The following AGMAT variants were observed in gnomAD, a reference collection of about 807,000 sequenced individuals.
AGMAT encodes the protein guanidino acid hydrolase, mitochondrial.
Under a neutral mutation model 29.3 loss-of-function variants are expected in AGMAT, and 37 were observed. The observed-to-expected ratio is 1.26, with a 90% confidence interval of 0.97 to 1.66. The LOEUF is 1.66. Ranked by LOEUF, AGMAT falls within the 40% of genes most tolerant of loss-of-function variation. The pLI is 0.00. For missense variants in AGMAT, 498 were observed against 497.8 expected, an observed-to-expected ratio of 1.00 and a Z score of 0.00; for synonymous variants, 199 against 200.8, an observed-to-expected ratio of 0.99 and a Z score of 0.08.
chr1:15,578,778 T>C, intron 4 of AGMAT, 81 bp downstream of exon 4: 1 of 1,483,106 alleles, frequency 6.7e-7, no homozygotes, highest in Non-Finnish European at 9.2e-7. Flanking sequence ...AAGCCCCCGC[T>C]CAATCCCTGG....
rs148544674 is a variant in AGMAT, at chr1:15,573,723, C to A, written c.987G>T (p.Gly329=). The A allele has an allele frequency of 1.1e-5, 17 of 1,613,892 alleles. No individual in the cohort carries two copies. Among genetic ancestry groups the A allele is most frequent in the Non-Finnish European group, 1.4e-5 (16 of 1,179,972 alleles). The change falls in exon 7 of 7, where the codon GGG becomes GGT. Residue 329 remains glycine, a splice_region_variant and synonymous_variant. Transcript: ENST00000375826. The part of the protein sequence containing the change: ...VEVSPPYDLS[G]NTALLAANLL... ...GGTTAGCCGCCAGCAGGGCTGTGTTCCCTAAGAAAAAGTAAAACCTCACAT... is the reference window on the plus strand; with the variant it reads ...GGTTAGCCGCCAGCAGGGCTGTGTTACCTAAGAAAAAGTAAAACCTCACAT...
chr1:15,581,067 TAAAAA>T (rs886980486), intron 2 of AGMAT, among the ~76,000 whole-genome samples: 10 of 151,402 alleles, frequency 6.6e-5, no homozygotes, highest in Non-Finnish European at 8.8e-5. Flanking sequence ...CTCTAAAAAA[TAAAAA>T]TAAAAATAGA....
chr1:15,578,715 G>A, intron 4 of AGMAT, 144 bp downstream of exon 4: 1 of 902,652 alleles, frequency 1.1e-6, no homozygotes, highest in East Asian at 2.7e-5. Context: ...TGCTCCTTAT[G>A]CCCCTGATGA....
At chr1:15,574,655 G>T in intron 6 of AGMAT, 102 bp downstream of exon 6, 1 of 1,059,918 alleles carries the variant, frequency 9.4e-7, no homozygotes, top group Non-Finnish European at 1.4e-6. Context: ...TGGGATTACA[G>T]GCTTGGGCCA....
intron 2 of AGMAT, among the ~76,000 whole-genome samples, chr1:15,581,567 A>G (rs1639114134): frequency 6.6e-6 from 1 of 150,840 alleles, no homozygotes; most frequent in Non-Finnish European, 1.5e-5. Flanking sequence ...GAAACTGAAT[A>G]TTTTATTTTA....
rs202010973 is a variant in AGMAT at position 15,583,397 on chromosome 1, T to C, written c.273-2A>G. 3 of 1,611,378 alleles carry C rather than the reference T, an allele frequency of 1.9e-6. No individual in the cohort carries two copies. The African/African-American group carries it at 4.0e-5, about 21-fold the overall frequency. On this transcript the variant is annotated splice_acceptor_variant, in intron 1 of 6. Transcript: ENST00000375826. LOFTEE classifies it high-confidence loss of function. ...TCCCGGATGCGGCGAGGTCCGAATC[T>C]GCAGAAGGAAGAATCATCCTGTCAG...
At chr1:15,576,574 C>T (rs1437656353) in intron 5 of AGMAT, among the ~76,000 whole-genome samples, 1 of 151,380 alleles carries the variant, frequency 6.6e-6, no homozygotes, top group Admixed American at 6.6e-5. Context: ...GGATTACAGA[C>T]GCCTGCCACC....
At position 15,583,304 on chromosome 1, in the gene AGMAT, C is replaced by A; in HGVS notation, c.364G>T (p.Ala122Ser). Residue 122 changes from alanine to serine, a missense_variant, in exon 2 of 7, where the codon GCA becomes TCA. Coordinates refer to ENST00000375826, the MANE Select transcript of AGMAT (RefSeq NM_024758.5). The stretch of plus-strand genomic sequence containing the variant: ...TTGACATTCACATCGCCTAGGTCTG[C>A]AACCATGAGGGACTGGAAGGGGAGG... ...GALPFQSLMV[A>S]DLGDVNVNLY... is the part of the protein sequence containing the mutation. 6.2e-7 allele frequency: 1 copy of A among 1,614,176 alleles called. No homozygotes were observed. Among genetic ancestry groups the A allele is most frequent in the Non-Finnish European group, 8.5e-7 (1 of 1,180,030 alleles).
At chr1:15,576,469 G>T (rs1437830382) in intron 5 of AGMAT, among the ~76,000 whole-genome samples, 1 of 150,422 alleles carries the variant, frequency 6.6e-6, no homozygotes, top group Non-Finnish European at 1.5e-5. Flanking sequence ...TTGCTCTGTT[G>T]CCCAGGCTGG....
At position 15,584,752 on chromosome 1, in the gene AGMAT, G is replaced by A; in HGVS notation, c.216C>T (p.Asp72=). The A allele has an allele frequency of 7.4e-7, 1 of 1,354,724 alleles. No individual in the cohort carries two copies. Among genetic ancestry groups the A allele is most frequent in the Non-Finnish European group, 9.5e-7 (1 of 1,048,550 alleles). The allele number at this position is 1,354,724 out of a possible 1,614,324, so 83.9% of individuals were successfully genotyped here. A position where few individuals can be genotyped will look rare whatever the true frequency, so the allele number is the denominator to read the frequency against. The change falls in exon 1 of 7, where the codon GAC becomes GAT. Residue 72 remains aspartate, a synonymous_variant. Coordinates refer to ENST00000375826, the MANE Select transcript of AGMAT (RefSeq NM_024758.5). ...LPVQTSPEGL[D]AAFIGVPLDT... ...CCAGGGGCACCCCGATGAAGGCAGC[G>A]TCCAGCCCCTCGGGGGAGGTCTGCA...
intron 5 of AGMAT, 40 bp from the exon 6 acceptor site, chr1:15,574,881 A>G (rs777472483): frequency 9.0e-6 from 14 of 1,547,082 alleles, no homozygotes; most frequent in Admixed American, 1.7e-5. Context: ...AGTGGTAATC[A>G]TTTACAGTGA....
At position 15,571,717 on chromosome 1, in the gene AGMAT, A is replaced by G. The variant is rs553000494; in HGVS notation, c.*1934T>C. On this transcript the variant is annotated 3_prime_UTR_variant, in exon 7 of 7. Transcript: ENST00000375826. Reference sequence around the variant, plus strand: ...TACAGAATGGAAAAAGAAATAAACTATTTTAATGTCTGATAATTATGGGGT... The same window carrying G: ...TACAGAATGGAAAAAGAAATAAACTGTTTTAATGTCTGATAATTATGGGGT... The G allele has an allele frequency of 1.3e-4, 20 of 152,600 alleles. No homozygotes were observed. The highest frequency in any genetic ancestry group is 4.3e-4 in the African/African-American group (18 of 41,584). 9.5% of individuals were successfully genotyped at this position (152,600 alleles called of 1,614,324 possible).
intron 1 of AGMAT, among the ~76,000 whole-genome samples, chr1:15,584,268 G>A (rs1022466584): frequency 6.6e-6 from 1 of 151,992 alleles, no homozygotes; most frequent in African/African-American, 2.4e-5. Context: ...TCAGCCTCCC[G>A]AGTAGCTGGG....
At chr1:15,578,010 A>G in intron 4 of AGMAT, 146 bp from the exon 5 acceptor site, 1 of 785,544 alleles carries the variant, frequency 1.3e-6, no homozygotes. Flanking sequence ...CAGGTGAGGA[A>G]GGGAGGGACA....
chr1:15,582,392 T>A (rs1557597969), intron 2 of AGMAT, among the ~76,000 whole-genome samples: 1 of 152,090 alleles, frequency 6.6e-6, no homozygotes, highest in Non-Finnish European at 1.5e-5. Flanking sequence ...ATCTTACAGG[T>A]GAGGGTGTGA....
chr1:15,583,116 G>A (rs889253736), intron 2 of AGMAT, 77 bp downstream of exon 2: 7 of 1,332,868 alleles, frequency 5.3e-6, no homozygotes, highest in East Asian at 2.4e-5. Flanking sequence ...AGAAGTAGCT[G>A]TACTCAAGCC....
intron 5 of AGMAT, chr1:15,575,815 T>C (rs1639030434): frequency 6.6e-6 from 1 of 152,110 alleles, no homozygotes; most frequent in African/African-American, 2.4e-5. Context: ...TGCAGTGGTA[T>C]GATCACGGCT....
In AGMAT at chr1:15,584,788, C is replaced by A; in HGVS notation, c.180G>T (p.Met60Ile). The A allele has an allele frequency of 7.2e-7, 1 of 1,383,272 alleles. No homozygotes were observed. 85.7% of individuals were successfully genotyped at this position (1,383,272 alleles called of 1,614,324 possible). Reference protein sequence around the residue: ...VARPVGVCSMMRLPVQTSPEG... With the variant: ...VARPVGVCSMIRLPVQTSPEG... ...CGGGGGAGGTCTGCACCGGCAGGCG[C>A]ATCATGGAGCAGACGCCCACCGGCC... Residue 60 changes from methionine (M) to isoleucine (I), a missense_variant, in exon 1 of 7, where the codon ATG becomes ATT. Transcript: ENST00000375826.
chr1:15,583,655 G>A (rs1472885085), intron 1 of AGMAT, among the ~76,000 whole-genome samples: 1 of 152,140 alleles, frequency 6.6e-6, no homozygotes, highest in South Asian at 2.1e-4. Flanking sequence ...GAGAATCACC[G>A]ATCTAGGCTA....
Sources: allele counts gnomAD v4.1 joint callset (sites outside exome capture counted in the v4.1 genomes callset), GRCh38; gene constraint gnomAD v4.1.1; transcripts MANE v1.5; gene names NCBI Gene and HGNC (gene_info 2026-07-23, HGNC 2026-07-21).